CPNE4: variants seen among roughly 807,000 people sequenced by gnomAD.
CPNE4 encodes the protein copine-4.
Under a neutral mutation model 67.9 loss-of-function variants are expected in CPNE4, and 25 were observed. That is an observed-to-expected ratio of 0.37 (90% CI 0.27 to 0.51). CPNE4 has a LOEUF of 0.51. Ranked by LOEUF, CPNE4 falls within the 20% of genes least tolerant of loss-of-function variation. The pLI, the probability that CPNE4 is intolerant of heterozygous loss-of-function variation, is 0.93. For synonymous variants in CPNE4, 242 were observed against 244.9 expected, an observed-to-expected ratio of 0.99 and a Z score of 0.11; for missense variants, 464 against 690.8, an observed-to-expected ratio of 0.67 and a Z score of 3.68.
chr3:131,736,946 A>C (rs1029013180), intron 2 of CPNE4, among the ~76,000 whole-genome samples: 4 of 152,020 alleles, frequency 2.6e-5, no homozygotes, highest in East Asian at 1.9e-4. Context: ...ACTACCAACC[A>C]CTTGGGTTGA....
At chr3:131,838,959 T>TA (rs916861754) in intron 2 of CPNE4, among the ~76,000 whole-genome samples, 1 of 151,904 alleles carries the variant, frequency 6.6e-6, no homozygotes, top group East Asian at 1.9e-4. Flanking sequence ...TTTCAGCTAA[T>TA]AAAAAAAGCC....
intron 1 of CPNE4, among the ~76,000 whole-genome samples, chr3:132,019,978 T>C (rs1005929887): frequency 6.6e-6 from 1 of 152,212 alleles, no homozygotes; most frequent in Non-Finnish European, 1.5e-5. Flanking sequence ...ACCACCATCA[T>C]GGATCTCTAA....
At chr3:131,919,087 G>A (rs1216175672) in intron 1 of CPNE4, among the ~76,000 whole-genome samples, 2 of 152,096 alleles carry the variant, frequency 1.3e-5, no homozygotes, top group Admixed American at 6.6e-5. Flanking sequence ...TAGCCTGGAA[G>A]GTCTACTCTA....
chr3:131,617,809 A>G (rs1314859779), intron 7 of CPNE4, among the ~76,000 whole-genome samples: 1 of 152,160 alleles, frequency 6.6e-6, no homozygotes, highest in Non-Finnish European at 1.5e-5. Context: ...CATTTTCTCC[A>G]TGGAGTGAAA....
At chr3:131,887,593 C>T (rs1252503433) in intron 2 of CPNE4, among the ~76,000 whole-genome samples, 1 of 152,282 alleles carries the variant, frequency 6.6e-6, no homozygotes, top group East Asian at 1.9e-4. Context: ...TCTATTATTT[C>T]CAGAGGTGGT....
chr3:131,726,940 AT>A (rs2082014923), intron 2 of CPNE4, among the ~76,000 whole-genome samples: 1 of 152,144 alleles, frequency 6.6e-6, no homozygotes, highest in South Asian at 2.1e-4. Flanking sequence ...ACCCTCTGTT[AT>A]CCAGTCTGCA....
chr3:131,662,730 C>T (rs149839146), intron 7 of CPNE4, among the ~76,000 whole-genome samples: 1,880 of 152,316 alleles, frequency 0.012, 39 homozygotes, highest in African/African-American at 0.042. Flanking sequence ...CATCACTGGT[C>T]ATTAGAGAAA....
chr3:131,639,956 T>C (rs1204999151), intron 7 of CPNE4, among the ~76,000 whole-genome samples: 2 of 152,090 alleles, frequency 1.3e-5, no homozygotes, highest in Non-Finnish European at 2.9e-5. Context: ...CAAAATCCAG[T>C]ATCCCTTTAT....
At chr3:131,539,922 G>A (rs1168745016) in intron 15 of CPNE4, among the ~76,000 whole-genome samples, 1 of 152,150 alleles carries the variant, frequency 6.6e-6, no homozygotes, top group South Asian at 2.1e-4. Flanking sequence ...CTTCATTAAT[G>A]AACATAATTG....
chr3:131,835,991 A>C (rs1334621987), intron 2 of CPNE4, among the ~76,000 whole-genome samples: 6 of 152,174 alleles, frequency 3.9e-5, no homozygotes, highest in Admixed American at 3.9e-4. Flanking sequence ...CTTTGTATGA[A>C]GTCCTAGGCT....
chr3:131,876,365 G>A (rs1426068046), intron 2 of CPNE4, among the ~76,000 whole-genome samples: 4 of 151,510 alleles, frequency 2.6e-5, no homozygotes, highest in Non-Finnish European at 4.4e-5. Context: ...TTTCTCGGCC[G>A]GGCGTGGTGG....
intron 11 of CPNE4, among the ~76,000 whole-genome samples, chr3:131,558,025 G>A (rs959032887): frequency 1.3e-4 from 19 of 151,978 alleles, no homozygotes; most frequent in East Asian, 3.9e-4. Context: ...GTGTTCTAGC[G>A]TTAATGATAT....
At chr3:131,561,337 CTGTGTG>C (rs56788885) in intron 11 of CPNE4, among the ~76,000 whole-genome samples, 3 of 148,270 alleles carry the variant, frequency 2.0e-5, no homozygotes, top group East Asian at 4.0e-4. Flanking sequence ...TTGTGTGGGC[CTGTGTG>C]TGTGTGTGTG....
intron 1 of CPNE4, among the ~76,000 whole-genome samples, chr3:131,978,932 T>C (rs1368217783): frequency 6.6e-6 from 1 of 152,096 alleles, no homozygotes; most frequent in African/African-American, 2.4e-5. Flanking sequence ...GTTTTCATCT[T>C]AATTTTGTTT....
In CPNE4 at chr3:131,587,506, C is replaced by T; in HGVS notation, c.758G>A (p.Arg253Lys). ...GEFTSTFKEM[R>K]GAMEGKQVQW... ...TACCTGTTTCCCTTCCATTGCTCCTCTCATCTCCTTGAATGTCGAGGTGAA... is the reference window on the plus strand; with the variant it reads ...TACCTGTTTCCCTTCCATTGCTCCTTTCATCTCCTTGAATGTCGAGGTGAA... The change falls in exon 8 of 16, where the codon AGA becomes AAA. Residue 253 changes from arginine (R) to lysine (K), a missense_variant. Physicochemically the swap from Arg to Lys is conservative, Grantham distance 26 (BLOSUM62 2). Transcript: ENST00000429747. 1 of 1,613,812 alleles carries T rather than the reference C, an allele frequency of 6.2e-7. No individual in the cohort carries two copies. Among genetic ancestry groups the T allele is most frequent in the Non-Finnish European group, 8.5e-7 (1 of 1,179,736 alleles).
intron 1 of CPNE4, among the ~76,000 whole-genome samples, chr3:132,011,785 C>T (rs931022966): frequency 2.6e-5 from 4 of 152,196 alleles, no homozygotes; most frequent in Admixed American, 2.6e-4. Context: ...ACATATACCA[C>T]AGCTTAAGCA....
intron 1 of CPNE4, among the ~76,000 whole-genome samples, chr3:131,967,260 C>G (rs1319984493): frequency 6.6e-6 from 1 of 152,152 alleles, no homozygotes; most frequent in Non-Finnish European, 1.5e-5. Context: ...AGCCCACAGC[C>G]AATATCATAC....
At chr3:131,864,688 T>C (rs1433079730) in intron 2 of CPNE4, among the ~76,000 whole-genome samples, 1 of 152,020 alleles carries the variant, frequency 6.6e-6, no homozygotes, top group Non-Finnish European at 1.5e-5. Flanking sequence ...CCTAACTGAA[T>C]ACCCTTTATT....
At chr3:131,948,156 G>T (rs2071615405) in intron 1 of CPNE4, among the ~76,000 whole-genome samples, 1 of 151,840 alleles carries the variant, frequency 6.6e-6, no homozygotes, top group East Asian at 1.9e-4. Context: ...ATATGATTTG[G>T]CTCTGTGTCC....
Sources: gnomAD v4.1 joint callset for allele counts (sites outside exome capture counted in the v4.1 genomes callset) on GRCh38, gnomAD v4.1.1 for gene constraint, MANE v1.5 for transcripts, NCBI Gene and HGNC (gene_info 2026-07-23, HGNC 2026-07-21) for gene names.